OPCML: variants seen among roughly 807,000 people sequenced by gnomAD.
OPCML encodes opioid binding protein/cell adhesion molecule like, also known as opioid-binding protein/cell adhesion molecule.
In OPCML, 13 loss-of-function variants were observed where a neutral mutation model predicts 37.8. The ratio of observed to expected loss-of-function variants is 0.34; its 90% CI spans 0.22 to 0.55. The LOEUF is 0.55. Among genes scored for constraint, OPCML ranks in the 20% least tolerant of loss-of-function variants. The probability of loss-of-function intolerance (pLI) is 0.91; values close to 1 mark genes in which losing one functional copy is unlikely to be tolerated. For synonymous variants in OPCML, 176 were observed against 168.8 expected, an observed-to-expected ratio of 1.04 and a Z score of -0.33; for missense variants, 341 against 435.6, an observed-to-expected ratio of 0.78 and a Z score of 1.93.
chr11:133,516,383 G>A (rs1184381526), intron 1 of OPCML, among the ~76,000 whole-genome samples: 1 of 152,166 alleles, frequency 6.6e-6, no homozygotes, highest in Non-Finnish European at 1.5e-5. Flanking sequence ...GAGGCTTCTA[G>A]TCAGTCACAC....
intron 1 of OPCML, among the ~76,000 whole-genome samples, chr11:133,047,766 G>T (rs1190971195): frequency 6.6e-6 from 1 of 152,232 alleles, no homozygotes; most frequent in African/African-American, 2.4e-5. Flanking sequence ...AAAGGAGAAA[G>T]GATTTGAGAG....
intron 1 of OPCML, among the ~76,000 whole-genome samples, chr11:133,349,121 A>G (rs779498921): frequency 3.9e-5 from 6 of 152,146 alleles, no homozygotes; most frequent in Non-Finnish European, 7.4e-5. Flanking sequence ...CATGGTAACC[A>G]CTCAGTAACT....
At chr11:132,504,597 C>A (rs2096252424) in intron 4 of OPCML, among the ~76,000 whole-genome samples, 1 of 151,670 alleles carries the variant, frequency 6.6e-6, no homozygotes, top group Admixed American at 6.6e-5. Flanking sequence ...GGCTTGCAGG[C>A]TCCAGGCTCC....
intron 1 of OPCML, among the ~76,000 whole-genome samples, chr11:133,078,616 A>G (rs1160581422): frequency 6.6e-6 from 1 of 152,064 alleles, no homozygotes; most frequent in Non-Finnish European, 1.5e-5. Flanking sequence ...TAGGCCCTTG[A>G]CCCTCATCCC....
At chr11:132,637,170 A>C (rs1344443272) in intron 3 of OPCML, among the ~76,000 whole-genome samples, 1 of 151,530 alleles carries the variant, frequency 6.6e-6, no homozygotes, top group East Asian at 1.9e-4. Flanking sequence ...TTTGAAGCTG[A>C]ATTTTTCTGG....
In OPCML at chr11:132,643,523, G is replaced by A. The variant is rs117215252; in HGVS notation, c.379+13564C>T. 3.3e-3 allele frequency among the ~76,000 whole-genome samples: 507 copies of A among 152,290 alleles called. 2 individuals carry two copies. Among genetic ancestry groups the A allele is most frequent in the Non-Finnish European group, 5.4e-3 (366 of 68,018 alleles). The stretch of plus-strand genomic sequence containing the variant: ...GCCCTCAGAACACCAAGCCACGGGC[G>A]AGGCTCCTCTGTCTCTTCCTTCTTT... On this transcript the variant is annotated intron_variant, in intron 3 of 7. Transcript: ENST00000524381.
chr11:132,575,994 C>T (rs927621443), intron 3 of OPCML, among the ~76,000 whole-genome samples: 3 of 151,962 alleles, frequency 2.0e-5, no homozygotes, highest in Admixed American at 2.0e-4. Flanking sequence ...GCTAAAAATC[C>T]ACTCACACTT....
At position 132,529,084 on chromosome 11, in the gene OPCML, G is replaced by A; in HGVS notation, c.482C>T (p.Thr161Ile). ...LAIGRPEPTV[T>I]WRHLSVKEGQ... ...ACCCTTGACTGACAGGTGTCTCCAT[G>A]TCACAGTTGGCTCTGGTCTGCCAAT... Residue 161 changes from threonine (T) to isoleucine (I), a missense_variant, in exon 4 of 8, where the codon ACA becomes ATA. Thr to Ile is a moderately conservative substitution (Grantham distance 89, BLOSUM62 -1). Coordinates refer to ENST00000524381, the MANE Select transcript of OPCML (RefSeq NM_001012393.5). 3 of 1,613,088 alleles carry A rather than the reference G, an allele frequency of 1.9e-6. No homozygotes were observed. Among genetic ancestry groups the A allele is most frequent in the East Asian group, 2.2e-5 (1 of 44,838 alleles).
At chr11:133,138,770 CCCTCAGAT>C (rs1949728392) in intron 1 of OPCML, among the ~76,000 whole-genome samples, 1 of 152,078 alleles carries the variant, frequency 6.6e-6, no homozygotes, top group Non-Finnish European at 1.5e-5. Context: ...CTCTCTAAGA[CCCTCAGAT>C]GGTCTCACTC....
At chr11:133,313,059 G>A (rs139895785) in intron 1 of OPCML, among the ~76,000 whole-genome samples, 1 of 152,190 alleles carries the variant, frequency 6.6e-6, no homozygotes, top group Non-Finnish European at 1.5e-5. Context: ...GCATAAGCCT[G>A]CACTACCGTT....
chr11:132,771,417 A>G (rs1325213907), intron 2 of OPCML, among the ~76,000 whole-genome samples: 1 of 152,224 alleles, frequency 6.6e-6, no homozygotes, highest in African/African-American at 2.4e-5. Flanking sequence ...CCGATTATTC[A>G]GCAGAGGAAA....
At chr11:133,278,725 T>G (rs1320815187) in intron 1 of OPCML, among the ~76,000 whole-genome samples, 1 of 151,642 alleles carries the variant, frequency 6.6e-6, no homozygotes, top group African/African-American at 2.4e-5. Context: ...AAACCTCATC[T>G]TTTTATTTGT....
chr11:133,415,600 T>G (rs1236782343), intron 1 of OPCML, among the ~76,000 whole-genome samples: 1 of 152,128 alleles, frequency 6.6e-6, no homozygotes, highest in Non-Finnish European at 1.5e-5. Flanking sequence ...AGCAGAACAA[T>G]GGCCTCTCAG....
At chr11:132,610,262 C>T (rs750764711) in intron 3 of OPCML, among the ~76,000 whole-genome samples, 2 of 152,190 alleles carry the variant, frequency 1.3e-5, no homozygotes, top group African/African-American at 4.8e-5. Context: ...GATTACTCAG[C>T]TGTTTCTTGA....
intron 2 of OPCML, among the ~76,000 whole-genome samples, chr11:132,844,066 G>C (rs537152005): frequency 6.6e-6 from 1 of 152,284 alleles, no homozygotes; most frequent in East Asian, 1.9e-4. Flanking sequence ...TTATAAGGGG[G>C]AGATTTCCTG....
chr11:132,620,598 G>A (rs1187545973), intron 3 of OPCML, among the ~76,000 whole-genome samples: 1 of 152,188 alleles, frequency 6.6e-6, no homozygotes, highest in Non-Finnish European at 1.5e-5. Context: ...CAATGAACAG[G>A]GGAGAGAAAC....
At chr11:132,881,851 ACC>A (rs1031587913) in intron 2 of OPCML, among the ~76,000 whole-genome samples, 60 of 152,288 alleles carry the variant, frequency 3.9e-4, no homozygotes, top group African/African-American at 1.3e-3. Flanking sequence ...ACATAAGGCT[ACC>A]ACATTTCCCC....
intron 4 of OPCML, among the ~76,000 whole-genome samples, chr11:132,460,996 C>CA: frequency 6.6e-6 from 1 of 152,270 alleles, no homozygotes; most frequent in African/African-American, 2.4e-5. Flanking sequence ...GGTAGAATGA[C>CA]TTGTTCCACT....
intron 1 of OPCML, among the ~76,000 whole-genome samples, chr11:133,053,444 C>G (rs1948167527): frequency 6.6e-6 from 1 of 152,222 alleles, no homozygotes; most frequent in African/African-American, 2.4e-5. Context: ...ATCACATATG[C>G]TCTCTGATTT....
Sources: allele counts gnomAD v4.1 joint callset (sites outside exome capture counted in the v4.1 genomes callset), GRCh38; gene constraint gnomAD v4.1.1; transcripts MANE v1.5; gene names NCBI Gene and HGNC (gene_info 2026-07-23, HGNC 2026-07-21).